Variants in CFAP46 observed in about 807,000 individuals in gnomAD.
CFAP46 encodes cilia- and flagella-associated protein 46.
Under a neutral mutation model 325.7 loss-of-function variants are expected in CFAP46, and 245 were observed. That is an observed-to-expected ratio of 0.75 (90% CI 0.68 to 0.84). CFAP46 has a LOEUF of 0.84. CFAP46 is among the 40% of genes least tolerant of loss of function. The probability of loss-of-function intolerance (pLI) is 0.00; values close to 1 mark genes in which losing one functional copy is unlikely to be tolerated. For synonymous variants in CFAP46, 1,523 were observed against 1,495.9 expected (o/e 1.02, Z -0.42); for missense variants, 3,346 against 3,543.0 (o/e 0.94, Z 1.41).
In CFAP46 at chr10:132,912,646, A is replaced by C. The variant is rs1188911788; in HGVS notation, c.2499+9T>G. 2.2e-5 allele frequency: 33 copies of C among 1,530,306 alleles called. No homozygotes were observed. The highest frequency in any genetic ancestry group is 2.9e-5 in the African/African-American group (2 of 68,912). The allele number at this position is 1,530,306 out of a possible 1,614,324, so 94.8% of individuals were successfully genotyped here. ...CTCTCTCTCTCTCTCGGCATCATGG[A>C]GGTGGTACCTCCACCGCTGTTTTGA... On this transcript the variant is annotated intron_variant, in intron 19 of 57. Coordinates refer to ENST00000368586, the MANE Select transcript of CFAP46 (RefSeq NM_001200049.3).
intron 57 of CFAP46, 147 bp downstream of exon 57, chr10:132,810,262 C>A: frequency 2.7e-6 from 2 of 728,480 alleles, no homozygotes; most frequent in Non-Finnish European, 2.4e-6. Flanking sequence ...TCCCTCTTTC[C>A]GGCTCCTAGT....
rs989067820 is a variant in CFAP46, at chr10:132,832,950, A to G, written c.7117+408T>C. 5.1e-6 allele frequency: 2 copies of G among 396,020 alleles called. No homozygotes were observed. The highest frequency in any genetic ancestry group is 4.2e-5 in the African/African-American group (2 of 47,702). 24.5% of individuals were successfully genotyped at this position (396,020 alleles called of 1,614,324 possible). A position where few individuals can be genotyped will look rare whatever the true frequency, so the allele number is the denominator to read the frequency against. On this transcript the variant is annotated intron_variant, in intron 50 of 57. Transcript: ENST00000368586. The surrounding 1 kb of genome is among the most constrained non-coding windows in gnomAD (Gnocchi z 4.1). ...CTGGCACATAGCAGGTATTTTATAA[A>G]TAGTTTTGAGTGTTTATATATATAC...
At chr10:132,861,287 T>C (rs1848717679) in intron 35 of CFAP46, among the ~76,000 whole-genome samples, 1 of 152,226 alleles carries the variant, frequency 6.6e-6, no homozygotes. Flanking sequence ...GCAGCGCGCA[T>C]GACTGTATCT....
chr10:132,880,505 C>G (rs914238599), intron 28 of CFAP46, among the ~76,000 whole-genome samples: 5 of 152,212 alleles, frequency 3.3e-5, no homozygotes, highest in African/African-American at 4.8e-5. Flanking sequence ...CCCCCGCTCC[C>G]CCGGCCTCCT....
At position 132,811,020 on chromosome 10, in the gene CFAP46, C is replaced by CTG; in HGVS notation, c.7512_7513insCA (p.Ala2505GlnfsTer14). The CTG allele has an allele frequency of 6.3e-7, 1 of 1,599,816 alleles. No individual in the cohort carries two copies. On this transcript the variant is annotated frameshift_variant, in exon 56 of 58. Transcript: ENST00000368586. LOFTEE classifies it high-confidence loss of function. The stretch of plus-strand genomic sequence containing the variant: ...GACCGCGCCAGGTCCAGCAGGACTG[C>CTG]CACCTGGCACTCTGCCGGGACGGGA...
At chr10:132,925,171 G>A (rs766743008) in intron 10 of CFAP46, among the ~76,000 whole-genome samples, 5 of 152,234 alleles carry the variant, frequency 3.3e-5, no homozygotes, top group Non-Finnish European at 5.9e-5. Context: ...TCCTGATCCC[G>A]TCTCTTTCCT....
chr10:132,908,967 G>C (rs1476227550), intron 21 of CFAP46, among the ~76,000 whole-genome samples, 170 bp downstream of exon 21: 1 of 152,234 alleles, frequency 6.6e-6, no homozygotes, highest in African/African-American at 2.4e-5. Context: ...TGAGCATGGA[G>C]CTGAAGGAAG....
At chr10:132,811,176 G>C (rs566303222) in intron 55 of CFAP46, 145 bp from the exon 56 acceptor site, 1 of 713,760 alleles carries the variant, frequency 1.4e-6, no homozygotes, top group African/African-American at 1.7e-5. Context: ...CCTCATGACC[G>C]TCAGGTTTTT....
chr10:132,857,230 G>A (rs974731455), intron 39 of CFAP46, among the ~76,000 whole-genome samples: 12 of 152,308 alleles, frequency 7.9e-5, no homozygotes, highest in Admixed American at 3.3e-4. Flanking sequence ...TCTCTGTGCA[G>A]CCCTCTCCTG....
rs779491123 is a variant in CFAP46, at chr10:132,865,288, G to C, written c.4890+737C>G. 2.2e-4 allele frequency among the ~76,000 whole-genome samples: 33 copies of C among 152,168 alleles called. 1 individual carries two copies. Among genetic ancestry groups the C allele is most frequent in the Non-Finnish European group, 4.4e-5 (3 of 68,032 alleles). ...CTCCATCCATCTGGCTTTTTCCTGG[G>C]GCTGCCATCCCTGCTGGGGGAGTGC... On this transcript the variant is annotated intron_variant, in intron 35 of 57. Transcript: ENST00000368586.
At chr10:132,878,152 T>C (rs1848984204) in intron 29 of CFAP46, 65 bp from the exon 30 acceptor site, 3 of 1,450,408 alleles carry the variant, frequency 2.1e-6, no homozygotes, top group Non-Finnish European at 2.8e-6. Context: ...CTGCCCACCC[T>C]CCACTCCTGG....
Position 132,847,064 on chromosome 10 carries a change from C to T in CFAP46, c.6135G>A (p.Val2045=). The change falls in exon 43 of 58, where the codon GTG becomes GTA. Residue 2045 remains valine (V), a synonymous_variant. Coordinates refer to ENST00000368586, the MANE Select transcript of CFAP46 (RefSeq NM_001200049.3). The surrounding 1 kb of genome is among the most constrained non-coding windows in gnomAD (Gnocchi z 5.2). ...AQQYLAQASE[V]LLQCLQVALG... is the part of the protein sequence containing the mutation. ...GGGCCACCTGTAGGCACTGCAGCAG[C>T]ACCTCTGACGCCTGAGCCAGGTACT... 6.2e-7 allele frequency: 1 copy of T among 1,612,558 alleles called. No homozygotes were observed. The highest frequency in any genetic ancestry group is 1.1e-5 in the South Asian group (1 of 90,984).
chr10:132,924,480 C>A (rs1313645140), intron 11 of CFAP46, among the ~76,000 whole-genome samples: 1 of 152,196 alleles, frequency 6.6e-6, no homozygotes, highest in African/African-American at 2.4e-5. Context: ...GAGGCAAGGC[C>A]GAGCCTGCTT....
intron 50 of CFAP46, among the ~76,000 whole-genome samples, chr10:132,822,608 CTG>C (rs1253700172): frequency 2.4e-5 from 3 of 123,328 alleles, no homozygotes; most frequent in Admixed American, 8.9e-5. Flanking sequence ...CTGATGTGTG[CTG>C]TGTGTTGTGT....
At chr10:132,864,942 G>A (rs1228455425) in intron 35 of CFAP46, among the ~76,000 whole-genome samples, 3 of 150,988 alleles carry the variant, frequency 2.0e-5, no homozygotes, top group Non-Finnish European at 3.0e-5. Flanking sequence ...CTCAGTGCCT[G>A]AGACCTGCAC....
intron 50 of CFAP46, among the ~76,000 whole-genome samples, chr10:132,818,569 C>T (rs1204443458): frequency 1.3e-5 from 2 of 152,034 alleles, no homozygotes; most frequent in Non-Finnish European, 2.9e-5. Context: ...AGAGAAATAA[C>T]AGGCCAGGTG....
At chr10:132,850,150 G>A (rs1848511818) in intron 41 of CFAP46, 94 bp downstream of exon 41, 4 of 1,250,860 alleles carry the variant, frequency 3.2e-6, no homozygotes, top group East Asian at 2.6e-5. Context: ...GGCCACTGCT[G>A]CAATCACAGG....
chr10:132,884,181 C>T lies in CFAP46; in HGVS notation c.3627+922G>A, dbSNP rs776023935. Among the ~76,000 whole-genome samples the T allele has an allele frequency of 2.0e-5, 3 of 152,158 alleles. No homozygotes were observed. The highest frequency in any genetic ancestry group is 2.1e-4 in the South Asian group (1 of 4,830). On this transcript the variant is annotated intron_variant, in intron 27 of 57. Coordinates refer to ENST00000368586, the MANE Select transcript of CFAP46 (RefSeq NM_001200049.3). This position sits in a 1 kb window ranked among gnomAD's most constrained non-coding sequence, Gnocchi z 5.4. ...GGCAGCCAGGTCCCTGCCTGATACC[C>T]GCGAACCCTAGCAGGGCAACTGCCG...
rs189677665 is a variant in CFAP46 at position 132,941,331 on chromosome 10, C to T, written c.306+260G>A. 5.5e-3 allele frequency among the ~76,000 whole-genome samples: 832 copies of T among 152,368 alleles called. 5 individuals carry two copies. Among genetic ancestry groups the T allele is most frequent in the Non-Finnish European group, 9.5e-3 (646 of 68,036 alleles). On this transcript the variant is annotated intron_variant, in intron 3 of 57. Transcript: ENST00000368586. Reference sequence around the variant, plus strand: ...CGCCCCACCCCAGCTCCCCTGTGCCCACTCGGGGCAGCTGCAGGCGCAGAT... The same window carrying T: ...CGCCCCACCCCAGCTCCCCTGTGCCTACTCGGGGCAGCTGCAGGCGCAGAT...
Sources: allele counts gnomAD v4.1 joint callset (sites outside exome capture counted in the v4.1 genomes callset), GRCh38; gene constraint gnomAD v4.1.1; non-coding constraint Gnocchi (gnomAD v3.1); transcripts MANE v1.5; gene names NCBI Gene and HGNC (gene_info 2026-07-23, HGNC 2026-07-21).